Variants in VPS13B observed in about 807,000 individuals in gnomAD.
VPS13B encodes the protein vacuolar protein sorting 13 homolog B, also known as intermembrane lipid transfer protein VPS13B.
A neutral mutation model predicts 426.4 loss-of-function variants in VPS13B; 285 were observed. The observed-to-expected ratio is 0.67, with a 90% CI of 0.61 to 0.74. The LOEUF is 0.74. Among genes scored for constraint, VPS13B ranks in the 30% least tolerant of loss-of-function variants. VPS13B has a pLI of 0.00. For synonymous variants in VPS13B, 1,676 were observed against 1,676.4 expected, an observed-to-expected ratio of 1.00 and a Z score of 0.01; for missense variants, 4,537 against 4,782.6, an observed-to-expected ratio of 0.95 and a Z score of 1.51.
At chr8:99,321,210 CTTTT>C (rs58817658) in intron 19 of VPS13B, among the ~76,000 whole-genome samples, 6 of 93,990 alleles carry the variant, frequency 6.4e-5, no homozygotes, top group Non-Finnish European at 6.6e-5. Context: ...TTTTCTTTTT[CTTTT>C]TTTTTTTTTT....
At chr8:99,260,072 G>A (rs1024951653) in intron 17 of VPS13B, among the ~76,000 whole-genome samples, 6 of 152,064 alleles carry the variant, frequency 3.9e-5, no homozygotes, top group Non-Finnish European at 5.9e-5. Context: ...TTTTTTGGAG[G>A]TTGGAAGTCC....
chr8:99,072,230 C>T (rs367984830), intron 3 of VPS13B, among the ~76,000 whole-genome samples: 17 of 152,174 alleles, frequency 1.1e-4, no homozygotes, highest in African/African-American at 3.9e-4. Flanking sequence ...CCTAGACCCA[C>T]GGTGAGTACT....
intron 21 of VPS13B, among the ~76,000 whole-genome samples, chr8:99,396,414 AT>A (rs1814728734): frequency 6.6e-6 from 1 of 152,168 alleles, no homozygotes; most frequent in East Asian, 1.9e-4. Flanking sequence ...CAAGCAACTT[AT>A]CCGAGGTTAA....
chr8:99,067,209 C>T (rs1806801381), intron 3 of VPS13B, among the ~76,000 whole-genome samples: 1 of 152,128 alleles, frequency 6.6e-6, no homozygotes, highest in African/African-American at 2.4e-5. Flanking sequence ...TTTATTGGGG[C>T]ACTATTCACA....
At chr8:99,194,922 T>G (rs962413152) in intron 17 of VPS13B, among the ~76,000 whole-genome samples, 1 of 152,150 alleles carries the variant, frequency 6.6e-6, no homozygotes, top group East Asian at 1.9e-4. Flanking sequence ...CTCGGCTCAC[T>G]GCAACCTCCG....
chr8:99,013,712 TC>T, intron 1 of VPS13B, 47 bp from the exon 2 acceptor site: 1 of 1,579,558 alleles, frequency 6.3e-7, no homozygotes, highest in Non-Finnish European at 8.7e-7. Flanking sequence ...GAACGCTCTT[TC>T]CTTCACTCTA....
chr8:99,483,979 C>A (rs1387387965), intron 25 of VPS13B, among the ~76,000 whole-genome samples: 7 of 151,890 alleles, frequency 4.6e-5, no homozygotes, highest in African/African-American at 1.5e-4. Flanking sequence ...TAAAAACATG[C>A]CCTACATTTA....
chr8:99,445,672 G>GAAATATT (rs1239785699), intron 23 of VPS13B, among the ~76,000 whole-genome samples: 2 of 151,374 alleles, frequency 1.3e-5, no homozygotes. Context: ...TTTAGTTTTA[G>GAAATATT]AAATATTAAG....
chr8:99,720,433 T>G lies in VPS13B; in HGVS notation c.6746T>G (p.Val2249Gly). Reference sequence around the variant, plus strand: ...CTTAATGAGGAGGGAAATTTTGAAGTACAAGTTTCTGAACCAGTGCCTCAA... The same window carrying G: ...CTTAATGAGGAGGGAAATTTTGAAGGACAAGTTTCTGAACCAGTGCCTCAA... Reference protein sequence around the residue: ...GYLNEEGNFEVQVSEPVPQMS... With the variant: ...GYLNEEGNFEGQVSEPVPQMS... The change falls in exon 38 of 62, where the codon GTA becomes GGA. Residue 2249 changes from valine to glycine, a missense_variant. This residue lies in a region of VPS13B where 4,311 missense variants were observed against 4,474.3 expected (regional missense o/e 0.96). Coordinates refer to ENST00000357162, the MANE Select transcript of VPS13B (RefSeq NM_152564.5). 6.2e-7 allele frequency: 1 copy of G among 1,613,982 alleles called. No homozygotes were observed. The highest frequency in any genetic ancestry group is 8.5e-7 in the Non-Finnish European group (1 of 1,179,908).
chr8:99,184,885 G>A (rs927017729), intron 16 of VPS13B, among the ~76,000 whole-genome samples: 3 of 152,178 alleles, frequency 2.0e-5, no homozygotes, highest in African/African-American at 7.2e-5. Context: ...CAGCTACTCT[G>A]GAGGCTGAGG....
At chr8:99,378,660 C>T (rs1401857392) in intron 19 of VPS13B, among the ~76,000 whole-genome samples, 1 of 152,168 alleles carries the variant, frequency 6.6e-6, no homozygotes, top group Non-Finnish European at 1.5e-5. Context: ...CAGGTCCTTC[C>T]ATTTGGGGTC....
intron 31 of VPS13B, among the ~76,000 whole-genome samples, chr8:99,558,454 C>T (rs1160362497): frequency 1.3e-5 from 2 of 152,116 alleles, no homozygotes; most frequent in African/African-American, 4.8e-5. Flanking sequence ...TACATGTGCA[C>T]AACGTGCAGG....
chr8:99,285,608 A>G (rs1819392533), intron 19 of VPS13B, among the ~76,000 whole-genome samples: 1 of 152,178 alleles, frequency 6.6e-6, no homozygotes, highest in Non-Finnish European at 1.5e-5. Flanking sequence ...AAAATAATAT[A>G]CATTTTCTAT....
rs545834720 is a variant in VPS13B, at chr8:99,271,172, TTGC to T, written c.2516-3012_2516-3010del. Among the ~76,000 whole-genome samples, 12 of 150,728 alleles carry T rather than the reference TTGC, an allele frequency of 8.0e-5. No homozygotes were observed. The South Asian group carries it at 2.3e-3, about 29-fold the overall frequency. ...ATTGATACTACTGCTGCTGCTTTTA[TTGC>T]TGCTGCTGCTGCTACCACTAACTAC... is the stretch of plus-strand genomic sequence containing the variant. On this transcript the variant is annotated intron_variant, in intron 17 of 61. Coordinates refer to ENST00000357162, the MANE Select transcript of VPS13B (RefSeq NM_152564.5).
At chr8:99,631,613 CTTGCAG>C (rs976547109) in intron 33 of VPS13B, among the ~76,000 whole-genome samples, 3 of 151,852 alleles carry the variant, frequency 2.0e-5, no homozygotes, top group Non-Finnish European at 4.4e-5. Flanking sequence ...TTTTTCCATT[CTTGCAG>C]TTGCTCTGAC....
At chr8:99,480,351 G>A (rs139019162) in intron 24 of VPS13B, among the ~76,000 whole-genome samples, 269 of 152,278 alleles carry the variant, frequency 1.8e-3, no homozygotes, top group Middle Eastern at 0.01. Context: ...GGAATCAGAA[G>A]TAGTGACAAT....
At chr8:99,869,765 C>T (rs1279929723) in intron 59 of VPS13B, among the ~76,000 whole-genome samples, 1 of 152,172 alleles carries the variant, frequency 6.6e-6, no homozygotes, top group Non-Finnish European at 1.5e-5. Flanking sequence ...TTCACATGGC[C>T]GTTTTGGTTT....
chr8:99,502,925 T>G lies in VPS13B; in HGVS notation c.4132T>G (p.Phe1378Val), dbSNP rs773134117. The G allele has an allele frequency of 1.3e-5, 21 of 1,610,616 alleles. No homozygotes were observed. The highest frequency in any genetic ancestry group is 8.5e-7 in the Non-Finnish European group (1 of 1,177,402). ...CAAAGTGAAATGTAAAATAGAGAGT[T>G]TCAATATTGATCACTATAGAAGCAG... Reference protein sequence around the residue: ...YTKVKCKIESFNIDHYRSRPG... With the variant: ...YTKVKCKIESVNIDHYRSRPG... The change falls in exon 27 of 62, where the codon TTC becomes GTC. Residue 1378 changes from phenylalanine to valine, a missense_variant. Around this residue, in one of 2 missense-constraint regions of VPS13B, gnomAD observed 4,311 missense variants for 4,474.3 expected, o/e 0.96. Transcript: ENST00000357162.
intron 2 of VPS13B, among the ~76,000 whole-genome samples, chr8:99,016,147 C>G (rs1365745543): frequency 1.3e-5 from 2 of 152,150 alleles, no homozygotes; most frequent in African/African-American, 4.8e-5. Flanking sequence ...TTGATGGACA[C>G]TTGGGTTTTT....
Sources: allele counts gnomAD v4.1 joint callset (sites outside exome capture counted in the v4.1 genomes callset), GRCh38; gene constraint gnomAD v4.1.1; regional missense constraint gnomAD v4.1.1; transcripts MANE v1.5; gene names NCBI Gene and HGNC (gene_info 2026-07-23, HGNC 2026-07-21).